Variants in CCDC85A observed in about 807,000 individuals in gnomAD.
The protein encoded by CCDC85A is coiled-coil domain containing 85A.
Under a neutral mutation model 50.2 loss-of-function variants are expected in CCDC85A, and 38 were observed. The observed-to-expected ratio is 0.76, with a 90% CI of 0.58 to 0.99. CCDC85A has a LOEUF of 0.99. Ranked by LOEUF, CCDC85A falls within the 50% of genes least tolerant of loss-of-function variation. CCDC85A has a pLI of 0.00. For synonymous variants in CCDC85A, 366 were observed against 301.4 expected (o/e 1.21, Z -2.22); for missense variants, 820 against 742.0 (o/e 1.11, Z -1.22).
At chr2:56,363,903 A>C (rs1675660467) in intron 3 of CCDC85A, among the ~76,000 whole-genome samples, 1 of 152,156 alleles carries the variant, frequency 6.6e-6, no homozygotes, top group Non-Finnish European at 1.5e-5. Flanking sequence ...TCTCCCTTTT[A>C]AAAAATAAGC....
chr2:56,234,640 CT>C (rs1186720263), intron 2 of CCDC85A, among the ~76,000 whole-genome samples: 3 of 151,628 alleles, frequency 2.0e-5, no homozygotes, highest in East Asian at 3.9e-4. Context: ...TTTATCCTAC[CT>C]TTTTTTTTCT....
intron 2 of CCDC85A, among the ~76,000 whole-genome samples, chr2:56,269,343 G>GTGTGTGTGTGTGTA (rs1558615549): frequency 1.3e-5 from 2 of 151,944 alleles, no homozygotes; most frequent in Non-Finnish European, 2.9e-5. Flanking sequence ...GGGTGTGTGT[G>GTGTGTGTGTGTGTA]TGTGTGTGTG....
In CCDC85A at chr2:56,184,635, C is replaced by A. The variant is rs2103796076; in HGVS notation, c.11C>A (p.Ala4Glu). Reference sequence around the variant, plus strand: ...CACCCCGCGGATACCATGTCGAAGGCGGCCGGAGGCGCGGCGGCGGCTGCG... The same window carrying A: ...CACCCCGCGGATACCATGTCGAAGGAGGCCGGAGGCGCGGCGGCGGCTGCG... MSK[A>E]AGGAAAAAAA... The change falls in exon 1 of 6, where the codon GCG becomes GAG. Residue 4 changes from alanine (A) to glutamate (E), a missense_variant. By Grantham distance (107) the Ala-to-Glu change is moderately radical. Coordinates refer to ENST00000407595, the MANE Select transcript of CCDC85A (RefSeq NM_001080433.2). 7.0e-7 allele frequency: 1 copy of A among 1,427,748 alleles called. No homozygotes were observed. Among genetic ancestry groups the A allele is most frequent in the Middle Eastern group, 2.5e-4 (1 of 3,922 alleles). The allele number at this position is 1,427,748 out of a possible 1,614,324, so 88.4% of individuals were successfully genotyped here. A position where few individuals can be genotyped will look rare whatever the true frequency, so the allele number is the denominator to read the frequency against.
intron 2 of CCDC85A, among the ~76,000 whole-genome samples, chr2:56,211,405 C>CT (rs1183067176): frequency 1.3e-5 from 2 of 151,908 alleles, no homozygotes; most frequent in African/African-American, 4.8e-5. Context: ...TTTCCTCCTG[C>CT]ATTTTTTTAT....
intron 2 of CCDC85A, among the ~76,000 whole-genome samples, chr2:56,323,252 C>G (rs1291906657): frequency 6.6e-6 from 1 of 151,966 alleles, no homozygotes; most frequent in Non-Finnish European, 1.5e-5. Flanking sequence ...ATGTAACAAA[C>G]CTGCACTTTG....
At chr2:56,194,946 G>T (rs1676467286) in intron 2 of CCDC85A, among the ~76,000 whole-genome samples, 1 of 149,880 alleles carries the variant, frequency 6.7e-6, no homozygotes, top group Non-Finnish European at 1.5e-5. Context: ...AAGTTTGGTT[G>T]TGTTACTATC....
chr2:56,305,269 C>T (rs558825621), intron 2 of CCDC85A, among the ~76,000 whole-genome samples: 35 of 152,192 alleles, frequency 2.3e-4, no homozygotes, highest in African/African-American at 7.9e-4. Context: ...GTTTACTGAA[C>T]AGTTAGTTTA....
intron 2 of CCDC85A, among the ~76,000 whole-genome samples, chr2:56,333,116 T>C (rs953995814): frequency 6.6e-6 from 1 of 152,146 alleles, no homozygotes; most frequent in Non-Finnish European, 1.5e-5. Flanking sequence ...AACAAGCTAA[T>C]GTATATGGTA....
chr2:56,273,811 G>GA, intron 2 of CCDC85A, among the ~76,000 whole-genome samples: 2 of 151,846 alleles, frequency 1.3e-5, no homozygotes, highest in Middle Eastern at 3.4e-3. Flanking sequence ...AGGGAGTCTA[G>GA]AAAAAAATGG....
At position 56,184,719 on chromosome 2, in the gene CCDC85A, C is replaced by A; in HGVS notation, c.95C>A (p.Pro32Gln). 6.5e-7 allele frequency: 1 copy of A among 1,530,928 alleles called. No homozygotes were observed. The highest frequency in any genetic ancestry group is 2.6e-5 in the East Asian group (1 of 38,846). The allele number at this position is 1,530,928 out of a possible 1,614,324, so 94.8% of individuals were successfully genotyped here. Residue 32 changes from proline to glutamine, a missense_variant, in exon 1 of 6, where the codon CCG (proline) becomes CAG (glutamine). Physicochemically the swap from Pro to Gln is moderately conservative, Grantham distance 76 (BLOSUM62 -1). Coordinates refer to ENST00000407595, the MANE Select transcript of CCDC85A (RefSeq NM_001080433.2). ...PAGSSAAPPA[P>Q]VEDLSKVSDE... ...GGCTCGTCCGCGGCCCCGCCCGCGC[C>A]GGTGGAGGACCTGTCCAAAGTGTCG...
In CCDC85A at chr2:56,229,774, A is replaced by T. The variant is rs1472464253; in HGVS notation, c.1240+36334A>T. Reference sequence around the variant, plus strand: ...AATCATGAAAAATGATCAATTTTTCAAAACAATATAGAGTACAAATTAGTC... The same window carrying T: ...AATCATGAAAAATGATCAATTTTTCTAAACAATATAGAGTACAAATTAGTC... On this transcript the variant is annotated intron_variant, in intron 2 of 5. Transcript: ENST00000407595. Among the ~76,000 whole-genome samples, 4 of 152,198 alleles carry T rather than the reference A, an allele frequency of 2.6e-5. No homozygotes were observed. The East Asian group carries it at 7.7e-4, about 29-fold the overall frequency.
intron 2 of CCDC85A, among the ~76,000 whole-genome samples, chr2:56,234,978 GA>G: frequency 6.6e-6 from 1 of 152,266 alleles, no homozygotes; most frequent in Admixed American, 6.5e-5. Flanking sequence ...CTCAGGTTGT[GA>G]AAAACAGTTT....
intron 2 of CCDC85A, among the ~76,000 whole-genome samples, chr2:56,231,871 A>G (rs1470419728): frequency 6.6e-6 from 1 of 152,094 alleles, no homozygotes; most frequent in Non-Finnish European, 1.5e-5. Flanking sequence ...AGACAGCTCC[A>G]TGATGATCCA....
chr2:56,235,790 G>T (rs1375565904), intron 2 of CCDC85A, among the ~76,000 whole-genome samples: 1 of 152,188 alleles, frequency 6.6e-6, no homozygotes, highest in African/African-American at 2.4e-5. Flanking sequence ...AATGTGGGTG[G>T]AGAGTTAATA....
intron 2 of CCDC85A, among the ~76,000 whole-genome samples, chr2:56,293,058 C>A (rs1469189685): frequency 6.6e-6 from 1 of 152,178 alleles, no homozygotes; most frequent in Non-Finnish European, 1.5e-5. Context: ...AGGCTACCCC[C>A]AGCTGGAGAA....
At position 56,385,750 on chromosome 2, in the gene CCDC85A, T is replaced by A. The variant is rs570745809; in HGVS notation, c.*1395T>A. The A allele has an allele frequency of 6.6e-6, 1 of 151,894 alleles. No individual in the cohort carries two copies. Among genetic ancestry groups the A allele is most frequent in the South Asian group, 2.1e-4 (1 of 4,824 alleles). 9.4% of individuals were successfully genotyped at this position (151,894 alleles called of 1,614,324 possible). A position where few individuals can be genotyped will look rare whatever the true frequency, so the allele number is the denominator to read the frequency against. On this transcript the variant is annotated 3_prime_UTR_variant, in exon 6 of 6. Coordinates refer to ENST00000407595, the MANE Select transcript of CCDC85A (RefSeq NM_001080433.2). ...ACTGTGAAGGAATTTTGTTATACTT[T>A]CAAAAATGTTACTGTGATGAAAAAT...
intron 2 of CCDC85A, among the ~76,000 whole-genome samples, chr2:56,316,487 T>A (rs1254351761): frequency 6.6e-6 from 1 of 152,172 alleles, no homozygotes; most frequent in Admixed American, 6.6e-5. Context: ...CTTTGTTATT[T>A]ACAAAATTGA....
At chr2:56,352,167 A>C (rs1336762835) in intron 3 of CCDC85A, among the ~76,000 whole-genome samples, 2 of 152,186 alleles carry the variant, frequency 1.3e-5, no homozygotes, top group Non-Finnish European at 2.9e-5. Flanking sequence ...ACGCATTAGT[A>C]ATTTAAGTTG....
rs1170604153 is a variant in CCDC85A at position 56,244,385 on chromosome 2, A to T, written c.1240+50945A>T. Among the ~76,000 whole-genome samples the T allele has an allele frequency of 2.0e-5, 3 of 152,056 alleles. No homozygotes were observed. The East Asian group carries it at 5.8e-4, about 30-fold the overall frequency. ...GGGAAGTACTGCCAGGGTACCACTG[A>T]CAATTCACTTAAGGTACAAGTGCCT... On this transcript the variant is annotated intron_variant, in intron 2 of 5. Coordinates refer to ENST00000407595, the MANE Select transcript of CCDC85A (RefSeq NM_001080433.2).
Sources: gnomAD v4.1 joint callset for allele counts (sites outside exome capture counted in the v4.1 genomes callset) on GRCh38, gnomAD v4.1.1 for gene constraint, MANE v1.5 for transcripts, NCBI Gene and HGNC (gene_info 2026-07-23, HGNC 2026-07-21) for gene names.